The following SEMA6D variants were observed in gnomAD, a reference collection of about 807,000 sequenced individuals.
SEMA6D encodes semaphorin-6D.
Under a neutral mutation model 106.6 loss-of-function variants are expected in SEMA6D, and 35 were observed. That is an observed-to-expected ratio of 0.33 (90% confidence interval 0.25 to 0.44). The LOEUF (loss-of-function observed/expected upper bound fraction) is 0.44. Ranked by LOEUF, SEMA6D falls within the 20% of genes least tolerant of loss-of-function variation. The pLI is 1.00. For missense variants in SEMA6D, 1,185 were observed against 1,345.9 expected (o/e 0.88, Z 1.87); for synonymous variants, 499 against 487.7 (o/e 1.02, Z -0.31).
At chr15:47,491,582 C>T (rs556899987) in intron 3 of SEMA6D, among the ~76,000 whole-genome samples, 1 of 152,174 alleles carries the variant, frequency 6.6e-6, no homozygotes, top group East Asian at 1.9e-4. Flanking sequence ...TGGCAAGGTG[C>T]TCATTAATGT....
chr15:47,204,872 G>A (rs147826850), intron 1 of SEMA6D, among the ~76,000 whole-genome samples: 2 of 152,036 alleles, frequency 1.3e-5, no homozygotes, highest in Non-Finnish European at 2.9e-5. Flanking sequence ...TAAAGTATGG[G>A]CCTATGTAGA....
chr15:47,664,950 T>C (rs575756130), intron 4 of SEMA6D, among the ~76,000 whole-genome samples: 40 of 152,172 alleles, frequency 2.6e-4, no homozygotes, highest in Non-Finnish European at 4.9e-4. Flanking sequence ...CTGCAATTTT[T>C]GTGGGAGGAC....
At chr15:47,753,892 C>A (rs2081578041) in intron 1 of SEMA6D, among the ~76,000 whole-genome samples, 1 of 152,142 alleles carries the variant, frequency 6.6e-6, no homozygotes, top group South Asian at 2.1e-4. Context: ...TGTATAGTGG[C>A]ATCTTGGGAT....
At chr15:47,427,771 G>A (rs2140492494) in intron 2 of SEMA6D, among the ~76,000 whole-genome samples, 1 of 152,158 alleles carries the variant, frequency 6.6e-6, no homozygotes, top group African/African-American at 2.4e-5. Flanking sequence ...CTCATTTGTG[G>A]TATTTATCCT....
chr15:47,508,172 C>G (rs1210485732), intron 3 of SEMA6D, among the ~76,000 whole-genome samples: 1 of 152,172 alleles, frequency 6.6e-6, no homozygotes, highest in Non-Finnish European at 1.5e-5. Context: ...GTTTAAACCT[C>G]AGGCTACGGC....
chr15:47,289,393 C>CAAAAAAAAA (rs746946975), intron 1 of SEMA6D, among the ~76,000 whole-genome samples: 11 of 46,534 alleles, frequency 2.4e-4, no homozygotes, highest in Non-Finnish European at 2.5e-4. Context: ...AACTCCATCT[C>CAAAAAAAAA]AAAAAAAAAA....
chr15:47,359,207 A>G (rs902673984), intron 1 of SEMA6D, among the ~76,000 whole-genome samples: 17 of 152,210 alleles, frequency 1.1e-4, no homozygotes, highest in African/African-American at 2.9e-4. Context: ...ATTTGACTGT[A>G]TATGTACATG....
At chr15:47,538,271 C>T (rs2045239177) in intron 3 of SEMA6D, among the ~76,000 whole-genome samples, 2 of 152,128 alleles carry the variant, frequency 1.3e-5, no homozygotes, top group African/African-American at 4.8e-5. Context: ...TTCTTCACAT[C>T]TAGTAGTGTC....
At chr15:47,553,294 T>C (rs781239673) in intron 3 of SEMA6D, among the ~76,000 whole-genome samples, 5 of 152,142 alleles carry the variant, frequency 3.3e-5, no homozygotes, top group Admixed American at 6.6e-5. Flanking sequence ...TAAATGACAG[T>C]TTTGGAGCTC....
intron 1 of SEMA6D, among the ~76,000 whole-genome samples, chr15:47,186,052 T>C (rs1216020804): frequency 6.6e-6 from 1 of 152,180 alleles, no homozygotes; most frequent in Non-Finnish European, 1.5e-5. Flanking sequence ...TATATATGTG[T>C]ATATATGTAT....
At chr15:47,267,674 C>T (rs772560810) in intron 1 of SEMA6D, among the ~76,000 whole-genome samples, 2 of 151,988 alleles carry the variant, frequency 1.3e-5, no homozygotes, top group Non-Finnish European at 2.9e-5. Context: ...TTTGGTTCTC[C>T]ATCTTTTCTC....
chr15:47,200,586 TATTA>T (rs1894656692), intron 1 of SEMA6D, among the ~76,000 whole-genome samples: 1 of 152,144 alleles, frequency 6.6e-6, no homozygotes, highest in Non-Finnish European at 1.5e-5. Context: ...AATAAAGAAA[TATTA>T]ATTATGCGCT....
At chr15:47,396,006 A>G (rs2040201461) in intron 1 of SEMA6D, among the ~76,000 whole-genome samples, 1 of 152,098 alleles carries the variant, frequency 6.6e-6, no homozygotes, top group African/African-American at 2.4e-5. Flanking sequence ...GAGCTTCATG[A>G]TGAAATTCAT....
At chr15:47,304,765 A>G (rs6493269) in intron 1 of SEMA6D, among the ~76,000 whole-genome samples, 150,540 of 152,256 alleles carry the variant, frequency 0.99, 74,432 homozygotes, top group Middle Eastern at 1. Flanking sequence ...ATTATGAACA[A>G]GATTCTTATC....
chr15:47,435,358 T>C (rs1388207910), intron 2 of SEMA6D, among the ~76,000 whole-genome samples: 1 of 152,144 alleles, frequency 6.6e-6, no homozygotes, highest in African/African-American at 2.4e-5. Flanking sequence ...GTTCTCACTC[T>C]ACTCTGTCAC....
chr15:47,208,936 C>T (rs1010153763), intron 1 of SEMA6D, among the ~76,000 whole-genome samples: 1 of 152,062 alleles, frequency 6.6e-6, no homozygotes, highest in Non-Finnish European at 1.5e-5. Context: ...ATGTGAGTAA[C>T]AATAAAGGAA....
chr15:47,532,178 C>A lies in SEMA6D; in HGVS notation c.-87+61633C>A, dbSNP rs115172615. On this transcript the variant is annotated intron_variant, in intron 3 of 19. Transcript: ENST00000558014. ...TAATGGTCATAAATATATTTGAATT[C>A]TCTGAAAATTAGCCTGTCTTGGTTG... Among the ~76,000 whole-genome samples, 506 of 152,244 alleles carry A rather than the reference C, an allele frequency of 3.3e-3. 1 individual carries two copies. The highest frequency in any genetic ancestry group is 0.012 in the African/African-American group (493 of 41,538).
At chr15:47,223,238 A>G (rs530410391) in intron 1 of SEMA6D, among the ~76,000 whole-genome samples, 1 of 152,260 alleles carries the variant, frequency 6.6e-6, no homozygotes, top group African/African-American at 2.4e-5. Context: ...ATCAGTGCCA[A>G]AACTTATCAA....
At chr15:47,294,310 A>G (rs1206053485) in intron 1 of SEMA6D, among the ~76,000 whole-genome samples, 2 of 150,700 alleles carry the variant, frequency 1.3e-5, no homozygotes, top group African/African-American at 4.9e-5. Flanking sequence ...TGCAACCTCT[A>G]CCTCCCAGGT....
Sources: allele counts gnomAD v4.1 joint callset (sites outside exome capture counted in the v4.1 genomes callset), GRCh38; gene constraint gnomAD v4.1.1; transcripts MANE v1.5; gene names NCBI Gene and HGNC (gene_info 2026-07-23, HGNC 2026-07-21).